The following MYCBP2 variants were observed in gnomAD, a reference collection of about 807,000 sequenced individuals.
The protein encoded by MYCBP2 is MYC binding protein 2, also known as E3 ubiquitin-protein ligase MYCBP2.
MYCBP2 carries 120 observed loss-of-function variants against 525.3 expected under a neutral mutation model. The ratio of observed to expected loss-of-function variants is 0.23; its 90% confidence interval spans 0.20 to 0.27. The LOEUF (loss-of-function observed/expected upper bound fraction) is 0.27. Ranked by LOEUF, MYCBP2 falls within the 10% of genes least tolerant of loss-of-function variation. The pLI is 1.00. For synonymous variants in MYCBP2, 1,894 were observed against 1,955.8 expected, an observed-to-expected ratio of 0.97 and a Z score of 0.83; for missense variants, 4,149 against 5,657.1, an observed-to-expected ratio of 0.73 and a Z score of 8.55.
chr13:77,262,630 C>T (rs932574555), intron 10 of MYCBP2, among the ~76,000 whole-genome samples: 2 of 151,646 alleles, frequency 1.3e-5, no homozygotes, highest in Non-Finnish European at 2.9e-5. Flanking sequence ...AGATTCTCTG[C>T]CTATGTCTTT....
chr13:77,185,911 C>T lies in MYCBP2; in HGVS notation c.4404G>A (p.Arg1468=), dbSNP rs759459748. Residue 1468 remains arginine, a synonymous_variant, in exon 31 of 83, where the codon AGG becomes AGA. Coordinates refer to ENST00000544440, the MANE Select transcript of MYCBP2 (RefSeq NM_015057.5). ...TTTCACAGGTATAGACACGCAATAA[C>T]CTCAGACAACAGGTACCCACAAAGC... is the stretch of plus-strand genomic sequence containing the variant. ...RLRFVGTCCL[R]LLRVYTCEIY... The T allele has an allele frequency of 5.6e-6, 9 of 1,611,652 alleles. No individual in the cohort carries two copies. In the South Asian group the frequency reaches 8.8e-5, roughly 16 times the overall value.
intron 43 of MYCBP2, 51 bp from the exon 44 acceptor site, chr13:77,162,006 T>C (rs1219809476): frequency 3.2e-6 from 4 of 1,251,188 alleles, no homozygotes; most frequent in East Asian, 4.7e-5. Context: ...TTTAGTTTAG[T>C]TTAATTTTCT....
At chr13:77,052,965 C>G (rs1023778174) in intron 80 of MYCBP2, among the ~76,000 whole-genome samples, 1 of 151,894 alleles carries the variant, frequency 6.6e-6, no homozygotes, top group African/African-American at 2.4e-5. Flanking sequence ...CCATCTCTAT[C>G]AAAAATACAA....
intron 2 of MYCBP2, among the ~76,000 whole-genome samples, chr13:77,294,111 TATATATATATATATATATAC>T (rs1413780139): frequency 0.022 from 1,179 of 54,472 alleles, 43 homozygotes; most frequent in African/African-American, 0.048. Context: ...TGGCTATATA[TATATATATATATATATATAC>T]ATATATATAT....
chr13:77,077,045 T>C (rs2042442441), intron 67 of MYCBP2, 103 bp downstream of exon 67: 3 of 1,474,518 alleles, frequency 2.0e-6, no homozygotes, highest in African/African-American at 1.4e-5. Context: ...GCAACATTTA[T>C]AGCCAGAAAT....
intron 35 of MYCBP2, 85 bp from the exon 36 acceptor site, chr13:77,176,713 T>C (rs1316507551): frequency 1.8e-6 from 2 of 1,084,532 alleles, no homozygotes; most frequent in Non-Finnish European, 2.4e-6. Flanking sequence ...TTATTATTTT[T>C]AAAATTTATT....
At chr13:77,253,380 T>A (rs571831159) in intron 14 of MYCBP2, among the ~76,000 whole-genome samples, 1 of 152,012 alleles carries the variant, frequency 6.6e-6, no homozygotes, top group East Asian at 1.9e-4. Flanking sequence ...AATGCCCAAA[T>A]ACTAGAAACA....
intron 21 of MYCBP2, among the ~76,000 whole-genome samples, chr13:77,216,477 G>A (rs2064842140): frequency 6.6e-6 from 1 of 152,132 alleles, no homozygotes; most frequent in South Asian, 2.1e-4. Context: ...AGGAGAAACA[G>A]TACAGAAATC....
intron 37 of MYCBP2, among the ~76,000 whole-genome samples, chr13:77,172,546 G>T (rs564941565): frequency 5.9e-5 from 9 of 152,292 alleles, no homozygotes; most frequent in African/African-American, 2.2e-4. Context: ...GACTAGTTTA[G>T]AGGCTTATTA....
intron 55 of MYCBP2, among the ~76,000 whole-genome samples, chr13:77,101,688 T>C (rs1163568244): frequency 1.3e-5 from 2 of 152,048 alleles, no homozygotes; most frequent in Admixed American, 1.3e-4. Flanking sequence ...ATATTTCTTT[T>C]TCAGATGTAT....
intron 1 of MYCBP2, among the ~76,000 whole-genome samples, chr13:77,311,565 G>GT (rs747995110): frequency 0.012 from 1,503 of 121,596 alleles, 2 homozygotes; most frequent in South Asian, 0.039. Flanking sequence ...GTTTTTTTTT[G>GT]TTTTTTTTTT....
intron 20 of MYCBP2, among the ~76,000 whole-genome samples, chr13:77,219,885 T>C (rs2065309938): frequency 1.3e-5 from 2 of 152,124 alleles, no homozygotes; most frequent in African/African-American, 4.8e-5. Context: ...CTCCTAAATT[T>C]GCAAGCAAAT....
chr13:77,189,326 T>C lies in MYCBP2; in HGVS notation c.4155-279A>G, dbSNP rs1164097101. On this transcript the variant is annotated intron_variant, in intron 29 of 82. Coordinates refer to ENST00000544440, the MANE Select transcript of MYCBP2 (RefSeq NM_015057.5). Reference sequence around the variant, plus strand: ...TATAATGTATATAACATATAACTTATATTCTCTAGTAATGCTACTATTAAT... The same window carrying C: ...TATAATGTATATAACATATAACTTACATTCTCTAGTAATGCTACTATTAAT... Among the ~76,000 whole-genome samples the C allele has an allele frequency of 2.0e-5, 3 of 152,168 alleles. No individual in the cohort carries two copies. The East Asian group carries it at 5.8e-4, about 29-fold the overall frequency.
rs189522156 is a variant in MYCBP2, at chr13:77,168,572, C to T, written c.5970G>A (p.Pro1990=). ...SVAILNQKYA[P]PAFNPNQSTD... The stretch of plus-strand genomic sequence containing the variant: ...TCGACTGATTAGGGTTGAAGGCAGG[C>T]GGTGCATACTTCTGATTCAAAATGG... The change falls in exon 40 of 83, where the codon CCG becomes CCA. Residue 1990 remains proline (P), a synonymous_variant. Transcript: ENST00000544440. The T allele has an allele frequency of 1.5e-5, 24 of 1,613,936 alleles. No homozygotes were observed. Among genetic ancestry groups the T allele is most frequent in the African/African-American group, 2.7e-5 (2 of 74,858 alleles).
At chr13:77,276,820 T>TC (rs2154349616) in intron 4 of MYCBP2, among the ~76,000 whole-genome samples, 1 of 139,414 alleles carries the variant, frequency 7.2e-6, no homozygotes, top group Non-Finnish European at 1.5e-5. Flanking sequence ...TGCCCAGTTT[T>TC]TTTTTTTTTT....
intron 1 of MYCBP2, among the ~76,000 whole-genome samples, chr13:77,309,175 C>T (rs746837580): frequency 2.0e-5 from 3 of 152,194 alleles, no homozygotes; most frequent in Non-Finnish European, 2.9e-5. Context: ...CCATGTCCAG[C>T]CTCACTTTCC....
At chr13:77,297,076 C>T (rs1056308841) in intron 1 of MYCBP2, among the ~76,000 whole-genome samples, 11 of 152,150 alleles carry the variant, frequency 7.2e-5, no homozygotes, top group Non-Finnish European at 1.2e-4. Flanking sequence ...TTAAGAGCCA[C>T]TTTTTACTAA....
chr13:77,073,138 T>A (rs2154090573), intron 68 of MYCBP2, among the ~76,000 whole-genome samples: 1 of 152,258 alleles, frequency 6.6e-6, no homozygotes, highest in Middle Eastern at 3.4e-3. Context: ...CTATATCATG[T>A]AGCTACCATC....
At chr13:77,108,162 G>T (rs1229949676) in intron 55 of MYCBP2, among the ~76,000 whole-genome samples, 1 of 152,126 alleles carries the variant, frequency 6.6e-6, no homozygotes, top group Admixed American at 6.6e-5. Context: ...TCTGAATGTG[G>T]AAAGAAGATG....
Sources: gnomAD v4.1 joint callset for allele counts (sites outside exome capture counted in the v4.1 genomes callset) on GRCh38, gnomAD v4.1.1 for gene constraint, MANE v1.5 for transcripts, NCBI Gene and HGNC (gene_info 2026-07-23, HGNC 2026-07-21) for gene names.